The following CTNND2 variants were observed in gnomAD, a reference collection of about 807,000 sequenced individuals.
CTNND2 encodes catenin delta-2.
A neutral mutation model predicts 144.4 loss-of-function variants in CTNND2; 22 were observed. The ratio of observed to expected loss-of-function variants is 0.15; its 90% CI spans 0.11 to 0.22. The LOEUF (loss-of-function observed/expected upper bound fraction) is 0.22, where lower values mean the gene tolerates loss of function less well. Ranked by LOEUF, CTNND2 falls within the 10% of genes least tolerant of loss-of-function variation. The pLI, the probability that CTNND2 is intolerant of heterozygous loss-of-function variation, is 1.00. For synonymous variants in CTNND2, 751 were observed against 695.6 expected (o/e 1.08, Z -1.25); for missense variants, 1,353 against 1,618.8 (o/e 0.84, Z 2.82).
chr5:11,796,322 T>C (rs1272227782), intron 1 of CTNND2, among the ~76,000 whole-genome samples: 2 of 152,212 alleles, frequency 1.3e-5, no homozygotes, highest in Non-Finnish European at 2.9e-5. Flanking sequence ...TGATGCAGCA[T>C]TTCTGCCTAC....
intron 18 of CTNND2, 81 bp from the exon 19 acceptor site, chr5:10,992,758 C>T (rs1475836694): frequency 1.7e-5 from 26 of 1,540,600 alleles, no homozygotes; most frequent in Non-Finnish European, 2.3e-5. Context: ...TTCCAAGTAT[C>T]TGGATTTGCA....
chr5:11,901,429 C>T (rs1023572020), intron 1 of CTNND2, among the ~76,000 whole-genome samples: 12 of 152,222 alleles, frequency 7.9e-5, no homozygotes, highest in Non-Finnish European at 1.3e-4. Context: ...ATTGCATTTG[C>T]AAACTAGTAT....
At chr5:11,350,935 A>C (rs779396639) in intron 8 of CTNND2, among the ~76,000 whole-genome samples, 2 of 152,198 alleles carry the variant, frequency 1.3e-5, no homozygotes, top group Non-Finnish European at 2.9e-5. Flanking sequence ...TATTATTACC[A>C]TTAAGAATTT....
At chr5:11,599,157 C>T (rs1779661026) in intron 2 of CTNND2, among the ~76,000 whole-genome samples, 2 of 152,272 alleles carry the variant, frequency 1.3e-5, no homozygotes, top group South Asian at 4.1e-4. Flanking sequence ...TAAGCCCCAC[C>T]TTCAACACTT....
intron 9 of CTNND2, among the ~76,000 whole-genome samples, chr5:11,245,702 C>A (rs534562985): frequency 2.0e-5 from 3 of 152,244 alleles, no homozygotes; most frequent in Admixed American, 2.0e-4. Context: ...TGTTTTAAGC[C>A]ACCAGTTTTG....
chr5:11,642,449 G>A (rs1160546804), intron 2 of CTNND2, among the ~76,000 whole-genome samples: 1 of 152,182 alleles, frequency 6.6e-6, no homozygotes, highest in Non-Finnish European at 1.5e-5. Flanking sequence ...GAAAAGAATT[G>A]GAGGAGATGA....
intron 3 of CTNND2, among the ~76,000 whole-genome samples, chr5:11,524,423 A>C (rs369485369): frequency 6.6e-6 from 1 of 152,226 alleles, no homozygotes; most frequent in South Asian, 2.1e-4. Flanking sequence ...ATCAGCAAAC[A>C]GTGGATTTTT....
chr5:11,516,166 CA>C, intron 3 of CTNND2, among the ~76,000 whole-genome samples: 1 of 151,896 alleles, frequency 6.6e-6, no homozygotes, highest in East Asian at 1.9e-4. Flanking sequence ...TGAAATAGGG[CA>C]AAGAGTAACT....
intron 1 of CTNND2, among the ~76,000 whole-genome samples, chr5:11,824,673 C>G (rs1793507648): frequency 6.6e-6 from 1 of 152,158 alleles, no homozygotes; most frequent in South Asian, 2.1e-4. Context: ...AAACCCTAGA[C>G]CTAAGAGGAT....
At chr5:11,225,510 C>T (rs1740231363) in intron 10 of CTNND2, among the ~76,000 whole-genome samples, 1 of 152,212 alleles carries the variant, frequency 6.6e-6, no homozygotes, top group South Asian at 2.1e-4. Flanking sequence ...TCTTTTATAT[C>T]ACCAGCTACC....
At chr5:11,045,711 C>T (rs1318945669) in intron 16 of CTNND2, among the ~76,000 whole-genome samples, 1 of 152,204 alleles carries the variant, frequency 6.6e-6, no homozygotes, top group Non-Finnish European at 1.5e-5. Flanking sequence ...ATGATCTCAT[C>T]TCAAGACCCT....
intron 3 of CTNND2, among the ~76,000 whole-genome samples, chr5:11,451,469 T>C (rs1231637539): frequency 6.6e-6 from 1 of 152,126 alleles, no homozygotes; most frequent in Non-Finnish European, 1.5e-5. Context: ...CATCCAAAAA[T>C]CCAAAATCTG....
At chr5:11,623,143 C>A (rs1427174833) in intron 2 of CTNND2, among the ~76,000 whole-genome samples, 2 of 152,116 alleles carry the variant, frequency 1.3e-5, no homozygotes. Context: ...CAGACAGGCT[C>A]TTTATTTTAG....
In CTNND2 at chr5:11,433,072, G is replaced by C. The variant is rs192139950; in HGVS notation, c.288-21003C>G. ...ATCCTGGCTAACATGGTGAAACCTC[G>C]TCTTTACTAAAAATACAAAAAAAAT... is the stretch of plus-strand genomic sequence containing the variant. On this transcript the variant is annotated intron_variant, in intron 3 of 21. Coordinates refer to ENST00000304623, the MANE Select transcript of CTNND2 (RefSeq NM_001332.4). Among the ~76,000 whole-genome samples, 5 of 152,168 alleles carry C rather than the reference G, an allele frequency of 3.3e-5. No homozygotes were observed. In the South Asian group the frequency reaches 1.0e-3, roughly 32 times the overall value.
At chr5:11,859,624 A>C (rs1795410933) in intron 1 of CTNND2, among the ~76,000 whole-genome samples, 1 of 152,164 alleles carries the variant, frequency 6.6e-6, no homozygotes, top group Non-Finnish European at 1.5e-5. Context: ...CCACAGAACA[A>C]TCTCCTATTC....
At chr5:11,210,991 A>G (rs997707619) in intron 10 of CTNND2, among the ~76,000 whole-genome samples, 2 of 152,182 alleles carry the variant, frequency 1.3e-5, no homozygotes, top group African/African-American at 4.8e-5. Flanking sequence ...TTACTGAAAG[A>G]GGATCTCGCA....
At chr5:11,101,616 CA>C (rs1381504570) in intron 14 of CTNND2, among the ~76,000 whole-genome samples, 3 of 152,174 alleles carry the variant, frequency 2.0e-5, no homozygotes, top group African/African-American at 7.2e-5. Context: ...AGTGACCACA[CA>C]GTGATTCAGC....
intron 2 of CTNND2, among the ~76,000 whole-genome samples, chr5:11,708,717 AGCTCTGTT>A (rs1196448677): frequency 6.6e-6 from 1 of 152,058 alleles, no homozygotes; most frequent in African/African-American, 2.4e-5. Flanking sequence ...CAGGGCCATG[AGCTCTGTT>A]GCAGTTCCAG....
intron 5 of CTNND2, among the ~76,000 whole-genome samples, chr5:11,408,410 C>A (rs192977105): frequency 6.6e-6 from 1 of 152,092 alleles, no homozygotes; most frequent in Non-Finnish European, 1.5e-5. Context: ...CAAGGTGACT[C>A]TGAATATGTT....
Sources: allele counts gnomAD v4.1 joint callset (sites outside exome capture counted in the v4.1 genomes callset), GRCh38; gene constraint gnomAD v4.1.1; transcripts MANE v1.5; gene names NCBI Gene and HGNC (gene_info 2026-07-23, HGNC 2026-07-21).